LRP6: variants seen among roughly 807,000 people sequenced by gnomAD.
The protein encoded by LRP6 is LDL receptor related protein 6, also known as low-density lipoprotein receptor-related protein 6.
In LRP6, 43 loss-of-function variants were observed where a neutral mutation model predicts 184.1. The ratio of observed to expected loss-of-function variants is 0.23; its 90% CI spans 0.18 to 0.30. The LOEUF (loss-of-function observed/expected upper bound fraction) is 0.30, where lower values mean the gene tolerates loss of function less well. Among genes scored for constraint, LRP6 ranks in the 10% least tolerant of loss-of-function variants. LRP6 has a pLI of 1.00. For missense variants in LRP6, 1,571 were observed against 2,005.3 expected (o/e 0.78, Z 4.14); for synonymous variants, 719 against 684.9 (o/e 1.05, Z -0.78).
intron 2 of LRP6, among the ~76,000 whole-genome samples, chr12:12,242,943 T>C (rs563644623): frequency 6.6e-6 from 1 of 152,282 alleles, no homozygotes; most frequent in African/African-American, 2.4e-5. Flanking sequence ...TCTTCCATTC[T>C]CCCCAAGTTC....
At chr12:12,131,732 AACTG>A in intron 18 of LRP6, 85 bp downstream of exon 18, 3 of 1,067,602 alleles carry the variant, frequency 2.8e-6, no homozygotes, top group African/African-American at 3.1e-5. Flanking sequence ...GAAAAACCCC[AACTG>A]ACACTAAGCC....
At chr12:12,254,517 T>A in intron 1 of LRP6, among the ~76,000 whole-genome samples, 1 of 152,180 alleles carries the variant, frequency 6.6e-6, no homozygotes, top group East Asian at 1.9e-4. Flanking sequence ...AAATAAACAC[T>A]TATCTTTTTC....
intron 9 of LRP6, among the ~76,000 whole-genome samples, chr12:12,163,375 A>C (rs978549839): frequency 2.0e-5 from 3 of 152,194 alleles, no homozygotes; most frequent in Non-Finnish European, 4.4e-5. Context: ...ACTGAACACC[A>C]TTAGAATCCA....
intron 13 of LRP6, 120 bp downstream of exon 13, chr12:12,150,716 T>C (rs1435469697): frequency 9.6e-7 from 1 of 1,036,380 alleles, no homozygotes; most frequent in African/African-American, 1.6e-5. Flanking sequence ...GTCCAGAATT[T>C]CAGTTTCATA....
At chr12:12,138,889 T>G in intron 15 of LRP6, 1 of 1,372,598 alleles carries the variant, frequency 7.3e-7, no homozygotes, top group Non-Finnish European at 9.8e-7. Context: ...GAGTTCTGAG[T>G]ATACCTGAGG....
rs376928627 is a variant in LRP6, at chr12:12,126,680, T to C, written c.4312+11A>G. On this transcript the variant is annotated intron_variant, in intron 20 of 22. Coordinates refer to ENST00000261349, the MANE Select transcript of LRP6 (RefSeq NM_002336.3). Reference sequence around the variant, plus strand: ...AAAGACTTGATTCTCAATGGATCCATCCTGACTCACCTGGAAGAGATCCTG... The same window carrying C: ...AAAGACTTGATTCTCAATGGATCCACCCTGACTCACCTGGAAGAGATCCTG... The C allele has an allele frequency of 1.2e-6, 2 of 1,610,576 alleles. No homozygotes were observed. Among genetic ancestry groups the C allele is most frequent in the Non-Finnish European group, 8.5e-7 (1 of 1,176,728 alleles).
At position 12,116,254 on chromosome 12, in the gene LRP6, T is replaced by C. The variant is rs1949518878; in HGVS notation, c.*4872A>G. 1 of 152,108 alleles carries C rather than the reference T, an allele frequency of 6.6e-6. No homozygotes were observed. The highest frequency in any genetic ancestry group is 1.5e-5 in the Non-Finnish European group (1 of 68,014). 9.4% of individuals were successfully genotyped at this position (152,108 alleles called of 1,614,324 possible). ...CAAAGCACCATCGTACCAAAGTCAA[T>C]GAACAAGAAACACCAGTTGACTTTA... is the stretch of plus-strand genomic sequence containing the variant. On this transcript the variant is annotated 3_prime_UTR_variant, in exon 23 of 23. Transcript: ENST00000261349.
At chr12:12,156,852 A>C (rs1333536084) in intron 12 of LRP6, among the ~76,000 whole-genome samples, 1 of 152,174 alleles carries the variant, frequency 6.6e-6, no homozygotes, top group Non-Finnish European at 1.5e-5. Context: ...TGCATAGTTT[A>C]CCAAGTGCCT....
At chr12:12,240,824 G>A (rs1011249698) in intron 2 of LRP6, among the ~76,000 whole-genome samples, 2 of 152,068 alleles carry the variant, frequency 1.3e-5, no homozygotes, top group South Asian at 4.1e-4. Context: ...AGACTGAGGG[G>A]CTCCAGCATT....
At chr12:12,230,635 C>T (rs1864759370) in intron 2 of LRP6, among the ~76,000 whole-genome samples, 1 of 152,074 alleles carries the variant, frequency 6.6e-6, no homozygotes, top group Non-Finnish European at 1.5e-5. Context: ...GAATAATCCT[C>T]AACTATCATG....
At chr12:12,205,326 AAAC>A (rs1465326318) in intron 2 of LRP6, among the ~76,000 whole-genome samples, 15 of 98,154 alleles carry the variant, frequency 1.5e-4, no homozygotes, top group African/African-American at 5.0e-4. Flanking sequence ...TGTCTCAAAC[AAAC>A]AAAAAAAAAA....
At chr12:12,135,152 C>A (rs967742594) in intron 17 of LRP6, 23 bp downstream of exon 17, 3 of 1,613,466 alleles carry the variant, frequency 1.9e-6, no homozygotes, top group Non-Finnish European at 2.5e-6. Flanking sequence ...TAGGGTTGCA[C>A]AAGAAAATTA....
At chr12:12,258,185 T>C (rs892470376) in intron 1 of LRP6, among the ~76,000 whole-genome samples, 1 of 152,200 alleles carries the variant, frequency 6.6e-6, no homozygotes, top group African/African-American at 2.4e-5. Flanking sequence ...GGCATGATCA[T>C]GGCTCACTGT....
At chr12:12,137,526 C>A (rs1949858856) in intron 16 of LRP6, among the ~76,000 whole-genome samples, 1 of 152,096 alleles carries the variant, frequency 6.6e-6, no homozygotes, top group Non-Finnish European at 1.5e-5. Context: ...CAAGCACCTA[C>A]TAATTAAACA....
At chr12:12,264,084 T>C (rs554116638) in intron 1 of LRP6, among the ~76,000 whole-genome samples, 1 of 151,776 alleles carries the variant, frequency 6.6e-6, no homozygotes, top group East Asian at 1.9e-4. Flanking sequence ...GAGACTGCAA[T>C]GAGCTGTGAT....
intron 19 of LRP6, among the ~76,000 whole-genome samples, chr12:12,129,571 G>C (rs1434078031): frequency 6.8e-6 from 1 of 147,278 alleles, no homozygotes. Flanking sequence ...CTTTTTTTTT[G>C]AGATGGAGTC....
rs552942040 is a variant in LRP6, at chr12:12,149,392, C to T, written c.2995-239G>A. On this transcript the variant is annotated intron_variant, in intron 13 of 22. Coordinates refer to ENST00000261349, the MANE Select transcript of LRP6 (RefSeq NM_002336.3). Reference sequence around the variant, plus strand: ...AAAAGAGCTGAGGTCAGATTAGTTGCTCCAAGAACCTGATAATGCCTTGAT... The same window carrying T: ...AAAAGAGCTGAGGTCAGATTAGTTGTTCCAAGAACCTGATAATGCCTTGAT... Among the ~76,000 whole-genome samples, 47 of 152,190 alleles carry T rather than the reference C, an allele frequency of 3.1e-4. 1 individual carries two copies. Among genetic ancestry groups the T allele is most frequent in the African/African-American group, 1.0e-3 (42 of 41,528 alleles).
intron 1 of LRP6, among the ~76,000 whole-genome samples, chr12:12,254,911 G>A (rs1366525293): frequency 6.6e-6 from 1 of 152,120 alleles, no homozygotes; most frequent in Non-Finnish European, 1.5e-5. Flanking sequence ...AAACCTGATG[G>A]TCAGTTCTTG....
At chr12:12,134,092 C>A (rs994266052) in intron 17 of LRP6, among the ~76,000 whole-genome samples, 1 of 152,096 alleles carries the variant, frequency 6.6e-6, no homozygotes, top group Non-Finnish European at 1.5e-5. Flanking sequence ...TGAATACATG[C>A]ATTATTTATT....
Sources: allele counts gnomAD v4.1 joint callset (sites outside exome capture counted in the v4.1 genomes callset), GRCh38; gene constraint gnomAD v4.1.1; transcripts MANE v1.5; gene names NCBI Gene and HGNC (gene_info 2026-07-23, HGNC 2026-07-21).